Variants in KIF16B observed in about 807,000 individuals in gnomAD.
The protein encoded by KIF16B is kinesin-like protein KIF16B.
In KIF16B, 98 loss-of-function variants were observed where a neutral mutation model predicts 156.3. The observed-to-expected ratio is 0.63, with a 90% CI of 0.53 to 0.74. KIF16B has a LOEUF of 0.74. Among genes scored for constraint, KIF16B ranks in the 30% least tolerant of loss-of-function variants. The pLI is 0.00. For synonymous variants in KIF16B, 564 were observed against 583.7 expected, an observed-to-expected ratio of 0.97 and a Z score of 0.49; for missense variants, 1,421 against 1,606.5, an observed-to-expected ratio of 0.88 and a Z score of 1.97.
intron 1 of KIF16B, among the ~76,000 whole-genome samples, chr20:16,554,541 C>G (rs531018292): frequency 9.8e-5 from 15 of 152,334 alleles, no homozygotes; most frequent in African/African-American, 3.6e-4. Flanking sequence ...CCTCCACTTT[C>G]CCATGTACCT....
chr20:16,369,461 A>G (rs1040898686), intron 22 of KIF16B, among the ~76,000 whole-genome samples: 2 of 77,398 alleles, frequency 2.6e-5, no homozygotes, highest in Non-Finnish European at 4.6e-5. Flanking sequence ...TCAATTTTCC[A>G]TATTATATAT....
intron 1 of KIF16B, among the ~76,000 whole-genome samples, chr20:16,553,781 G>A (rs1443048014): frequency 6.6e-6 from 1 of 152,244 alleles, no homozygotes; most frequent in Non-Finnish European, 1.5e-5. Flanking sequence ...GCTACAGCGG[G>A]GGAGGTGCAG....
intron 17 of KIF16B, among the ~76,000 whole-genome samples, chr20:16,402,974 G>A (rs568157724): frequency 1.3e-5 from 2 of 152,162 alleles, no homozygotes; most frequent in African/African-American, 2.4e-5. Flanking sequence ...TCCATCTCAC[G>A]TATATATGTA....
At chr20:16,347,773 T>C (rs2064261048) in intron 23 of KIF16B, among the ~76,000 whole-genome samples, 1 of 152,236 alleles carries the variant, frequency 6.6e-6, no homozygotes, top group Admixed American at 6.5e-5. Context: ...ACTCCATTTG[T>C]CTCGGCCGTG....
chr20:16,420,950 T>C (rs540554452), intron 15 of KIF16B, among the ~76,000 whole-genome samples: 1 of 152,278 alleles, frequency 6.6e-6, no homozygotes, highest in East Asian at 1.9e-4. Context: ...CATTAAGTTA[T>C]AATTATTTAA....
intron 5 of KIF16B, 68 bp downstream of exon 5, chr20:16,512,758 T>C: frequency 9.3e-7 from 1 of 1,075,864 alleles, no homozygotes; most frequent in Admixed American, 1.8e-5. Context: ...TTCCAGCACC[T>C]AAATGCAGGC....
intron 5 of KIF16B, 28 bp downstream of exon 5, chr20:16,512,798 A>G (rs770470354): frequency 6.6e-7 from 1 of 1,507,934 alleles, no homozygotes. Context: ...TCAAGCTCAC[A>G]CACAGTTACC....
chr20:16,343,034 G>C (rs1193494783), intron 23 of KIF16B, among the ~76,000 whole-genome samples: 1 of 152,098 alleles, frequency 6.6e-6, no homozygotes, highest in Non-Finnish European at 1.5e-5. Context: ...GATGCAGAGG[G>C]GAGGAACAGA....
intron 25 of KIF16B, among the ~76,000 whole-genome samples, chr20:16,297,713 A>AG (rs2063411665): frequency 6.6e-6 from 1 of 151,720 alleles, no homozygotes; most frequent in East Asian, 1.9e-4. Flanking sequence ...AAAAAAAAAA[A>AG]AAAGATTAAT....
chr20:16,341,141 A>C (rs1397282546), intron 23 of KIF16B, among the ~76,000 whole-genome samples: 1 of 152,180 alleles, frequency 6.6e-6, no homozygotes, highest in Admixed American at 6.5e-5. Flanking sequence ...TACCTTTTCT[A>C]TGTACAGTTA....
chr20:16,514,720 G>A (rs542640342), intron 4 of KIF16B, among the ~76,000 whole-genome samples: 17 of 150,698 alleles, frequency 1.1e-4, no homozygotes, highest in Admixed American at 7.9e-4. Context: ...GTGAAACCCC[G>A]TCTCTACTAA....
At chr20:16,558,420 A>G (rs2070933625) in intron 1 of KIF16B, among the ~76,000 whole-genome samples, 1 of 152,242 alleles carries the variant, frequency 6.6e-6, no homozygotes, top group Non-Finnish European at 1.5e-5. Flanking sequence ...GCAGCCAAGA[A>G]GAAGGTGTGC....
At chr20:16,299,188 T>C (rs2063435549) in intron 25 of KIF16B, among the ~76,000 whole-genome samples, 1 of 152,130 alleles carries the variant, frequency 6.6e-6, no homozygotes, top group African/African-American at 2.4e-5. Flanking sequence ...AATAATATGA[T>C]GCCTGATATT....
At chr20:16,451,802 T>C (rs2067089483) in intron 12 of KIF16B, among the ~76,000 whole-genome samples, 1 of 152,166 alleles carries the variant, frequency 6.6e-6, no homozygotes, top group Non-Finnish European at 1.5e-5. Context: ...CTTGGTTTTA[T>C]TTACTTTAAT....
chr20:16,277,459 T>TTATATATATATATATATATA (rs60624017), intron 25 of KIF16B, among the ~76,000 whole-genome samples: 2 of 143,908 alleles, frequency 1.4e-5, no homozygotes, highest in African/African-American at 5.0e-5. Flanking sequence ...TATGTACATA[T>TTATATATATATATATATATA]TATATATATA....
chr20:16,414,515 T>C (rs2066038510), intron 15 of KIF16B, among the ~76,000 whole-genome samples: 1 of 152,156 alleles, frequency 6.6e-6, no homozygotes, highest in South Asian at 2.1e-4. Context: ...CACTTCAACC[T>C]CTGTTTACCC....
chr20:16,303,050 T>C (rs530195222), intron 25 of KIF16B, among the ~76,000 whole-genome samples: 6 of 152,304 alleles, frequency 3.9e-5, no homozygotes, highest in African/African-American at 1.4e-4. Context: ...AATTATACTG[T>C]AAGTCACTAC....
In KIF16B at chr20:16,506,155, GA is replaced by G. The variant is rs775793761; in HGVS notation, c.734del (p.Val245AlafsTer25). On this transcript the variant is annotated frameshift_variant, in exon 8 of 26. Transcript: ENST00000354981. LOFTEE classifies it high-confidence loss of function. The stretch of plus-strand genomic sequence containing the variant: ...CAAGATCAACCAAGTGGATCTTACT[GA>G]CGGTTTCACATGGCATTTCAGAATC... Reference protein sequence around the residue: ...KFDSEMPCETVSKIHLVDLAG... With the variant: ...KFDSEMPCETXSKIHLVDLAG... The G allele has an allele frequency of 2.5e-6, 4 of 1,614,012 alleles. No homozygotes were observed. In the African/African-American group the frequency reaches 5.3e-5, roughly 22 times the overall value.
At chr20:16,440,896 C>T (rs2066781421) in intron 12 of KIF16B, among the ~76,000 whole-genome samples, 1 of 151,802 alleles carries the variant, frequency 6.6e-6, no homozygotes, top group South Asian at 2.1e-4. Context: ...AAACAGTCCT[C>T]TCCGCTGGCT....
Sources: gnomAD v4.1 joint callset for allele counts (sites outside exome capture counted in the v4.1 genomes callset) on GRCh38, gnomAD v4.1.1 for gene constraint, MANE v1.5 for transcripts, NCBI Gene and HGNC (gene_info 2026-07-23, HGNC 2026-07-21) for gene names.